The following CCDC148 variants were observed in gnomAD, a reference collection of about 807,000 sequenced individuals.
The protein encoded by CCDC148 is coiled-coil domain-containing protein 148.
A neutral mutation model predicts 85.7 loss-of-function variants in CCDC148; 89 were observed. That is an observed-to-expected ratio of 1.04 (90% CI 0.87 to 1.24). The LOEUF (loss-of-function observed/expected upper bound fraction) is 1.24, where lower values mean the gene tolerates loss of function less well. CCDC148 is among the 50% of genes most tolerant of loss of function. CCDC148 has a pLI of 0.00. For synonymous variants in CCDC148, 230 were observed against 213.9 expected (o/e 1.08, Z -0.66); for missense variants, 692 against 671.7 (o/e 1.03, Z -0.33).
At chr2:158,388,237 T>C (rs925193340) in intron 1 of CCDC148, among the ~76,000 whole-genome samples, 2 of 130,792 alleles carry the variant, frequency 1.5e-5, no homozygotes, top group South Asian at 4.4e-4. Context: ...TTTTCTGAAG[T>C]CTTGTTATTC....
chr2:158,291,910 A>G (rs1690911988), intron 9 of CCDC148, among the ~76,000 whole-genome samples: 1 of 152,232 alleles, frequency 6.6e-6, no homozygotes, highest in Non-Finnish European at 1.5e-5. Context: ...TGTCACTTTC[A>G]AATACCCAGG....
chr2:158,267,683 T>C (rs1689529121), intron 9 of CCDC148, among the ~76,000 whole-genome samples: 1 of 152,234 alleles, frequency 6.6e-6, no homozygotes, highest in African/African-American at 2.4e-5. Context: ...TCTGCTTTCA[T>C]ATAAATATAA....
intron 1 of CCDC148, among the ~76,000 whole-genome samples, chr2:158,406,663 C>T (rs1297220700): frequency 7.4e-5 from 3 of 40,484 alleles, no homozygotes; most frequent in African/African-American, 2.4e-4. Context: ...CCCTCCATTA[C>T]CCAGGCTGGA....
intron 9 of CCDC148, among the ~76,000 whole-genome samples, chr2:158,302,877 C>G (rs1439099264): frequency 6.6e-6 from 1 of 151,874 alleles, no homozygotes; most frequent in African/African-American, 2.4e-5. Context: ...GCACAGCTAA[C>G]AGACTGGTTC....
chr2:158,358,612 C>T (rs1683781869), intron 1 of CCDC148, 42 bp from the exon 2 acceptor site: 3 of 1,405,652 alleles, frequency 2.1e-6, no homozygotes, highest in African/African-American at 1.5e-5. Flanking sequence ...GAAAGAATAT[C>T]ATGTTATTGG....
At chr2:158,436,934 T>C (rs563859321) in intron 1 of CCDC148, among the ~76,000 whole-genome samples, 4 of 152,196 alleles carry the variant, frequency 2.6e-5, no homozygotes, top group South Asian at 4.2e-4. Flanking sequence ...CAGGAAGAAG[T>C]TGAATCTCTG....
chr2:158,344,635 G>A (rs1019727219), intron 3 of CCDC148, among the ~76,000 whole-genome samples: 4 of 151,926 alleles, frequency 2.6e-5, no homozygotes, highest in African/African-American at 4.8e-5. Flanking sequence ...TTACAATTAA[G>A]ATCAACTGTA....
chr2:158,260,264 AT>A (rs1574497250), intron 9 of CCDC148, among the ~76,000 whole-genome samples: 2 of 152,006 alleles, frequency 1.3e-5, no homozygotes, highest in Admixed American at 1.3e-4. Context: ...CAAAAACCAC[AT>A]GATTATCTCA....
rs191266218 is a variant in CCDC148, at chr2:158,214,692, C to T, written c.1370+5903G>A. 2.0e-5 allele frequency among the ~76,000 whole-genome samples: 3 copies of T among 152,182 alleles called. No homozygotes were observed. In the East Asian group the frequency reaches 5.8e-4, roughly 29 times the overall value. ...CACTTCTGCTTCCCGCTGTCACTTC[C>T]TTAGTTCAGATACTTTTTCTCACAG... On this transcript the variant is annotated intron_variant, in intron 11 of 13. Transcript: ENST00000283233.
chr2:158,448,123 TA>T lies in CCDC148; in HGVS notation c.25+8291del, dbSNP rs972317835. ...TGCAATTATTCCAGTAGTATTTCTT[TA>T]AAAAAAATCCCTTTCACTATTGCTC... is the stretch of plus-strand genomic sequence containing the variant. On this transcript the variant is annotated intron_variant, in intron 1 of 13. Coordinates refer to ENST00000283233, the MANE Select transcript of CCDC148 (RefSeq NM_138803.4). 7.8e-4 allele frequency among the ~76,000 whole-genome samples: 119 copies of T among 151,630 alleles called. 1 individual carries two copies. Among genetic ancestry groups the T allele is most frequent in the Non-Finnish European group, 5.3e-4 (36 of 67,866 alleles).
rs1231567832 is a variant in CCDC148 at position 158,313,831 on chromosome 2, T to C, written c.828A>G (p.Gly276=). 3.1e-6 allele frequency: 5 copies of C among 1,613,892 alleles called. No individual in the cohort carries two copies. Among genetic ancestry groups the C allele is most frequent in the Non-Finnish European group, 3.4e-6 (4 of 1,179,942 alleles). ...ACAGAGTCCTTCTTCCAAAGAGATCTCCAGGGTACTGATCCAAAATAGCCT... is the reference window on the plus strand; with the variant it reads ...ACAGAGTCCTTCTTCCAAAGAGATCCCCAGGGTACTGATCCAAAATAGCCT... ...IYQAILDQYP[G]DLFGRRTLYL... The change falls in exon 8 of 14, where the codon GGA becomes GGG. Residue 276 remains glycine (G), a synonymous_variant. Coordinates refer to ENST00000283233, the MANE Select transcript of CCDC148 (RefSeq NM_138803.4).
At position 158,394,613 on chromosome 2, in the gene CCDC148, GA is replaced by G. The variant is rs796695933; in HGVS notation, c.26-36044del. ...AAATTCTCATTCTCACTTCCAGAAG[GA>G]AAAAAAAAAACTGTGGAGAAACCCC... is the stretch of plus-strand genomic sequence containing the variant. On this transcript the variant is annotated intron_variant, in intron 1 of 13. Coordinates refer to ENST00000283233, the MANE Select transcript of CCDC148 (RefSeq NM_138803.4). Among the ~76,000 whole-genome samples the G allele has an allele frequency of 7.4e-4, 107 of 144,996 alleles. 1 individual carries two copies. Among genetic ancestry groups the G allele is most frequent in the Middle Eastern group, 3.6e-3 (1 of 274 alleles).
chr2:158,327,029 G>T (rs1692811588), intron 7 of CCDC148, among the ~76,000 whole-genome samples: 1 of 152,052 alleles, frequency 6.6e-6, no homozygotes, highest in Non-Finnish European at 1.5e-5. Flanking sequence ...AATATATTCT[G>T]TGTATGTACA....
chr2:158,196,423 T>C (rs1490156139), intron 11 of CCDC148, among the ~76,000 whole-genome samples: 3 of 152,128 alleles, frequency 2.0e-5, no homozygotes, highest in African/African-American at 7.2e-5. Context: ...AAATCAGGAT[T>C]TAACCAACCC....
chr2:158,380,351 T>C (rs545046429), intron 1 of CCDC148, among the ~76,000 whole-genome samples: 1 of 152,252 alleles, frequency 6.6e-6, no homozygotes, highest in African/African-American at 2.4e-5. Context: ...AATAGGTTCA[T>C]TTAAAATATA....
At chr2:158,285,313 T>C (rs1690567859) in intron 9 of CCDC148, among the ~76,000 whole-genome samples, 1 of 148,516 alleles carries the variant, frequency 6.7e-6, no homozygotes, top group African/African-American at 2.5e-5. Flanking sequence ...AAAATCAGTG[T>C]ATGAGATTAA....
chr2:158,273,485 C>T (rs896851912), intron 9 of CCDC148, among the ~76,000 whole-genome samples: 1 of 152,140 alleles, frequency 6.6e-6, no homozygotes, highest in Admixed American at 6.5e-5. Flanking sequence ...AAGAAAGTGC[C>T]TGATGGGCAC....
Position 158,172,017 on chromosome 2 carries a change from G to T in CCDC148, c.*96C>A. ...AATAGATGCTATGATTTCTATGTCT[G>T]ATATTTCAAACATTTTAGAAAGTAG... On this transcript the variant is annotated 3_prime_UTR_variant, in exon 14 of 14. Transcript: ENST00000283233. The T allele has an allele frequency of 1.0e-6, 1 of 956,304 alleles. No homozygotes were observed. The highest frequency in any genetic ancestry group is 1.5e-6 in the Non-Finnish European group (1 of 663,988). 59.2% of individuals were successfully genotyped at this position (956,304 alleles called of 1,614,324 possible).
At chr2:158,271,572 C>T (rs952760017) in intron 9 of CCDC148, among the ~76,000 whole-genome samples, 3 of 152,120 alleles carry the variant, frequency 2.0e-5, no homozygotes, top group Non-Finnish European at 2.9e-5. Flanking sequence ...GAGCACAGTA[C>T]AGTAAAGTAT....
Sources: allele counts gnomAD v4.1 joint callset (sites outside exome capture counted in the v4.1 genomes callset), GRCh38; gene constraint gnomAD v4.1.1; transcripts MANE v1.5; gene names NCBI Gene and HGNC (gene_info 2026-07-23, HGNC 2026-07-21).